Variants in MTRR observed in about 807,000 individuals in gnomAD.
MTRR encodes the protein methionine synthase reductase.
A neutral mutation model predicts 79.2 loss-of-function variants in MTRR; 63 were observed. The ratio of observed to expected loss-of-function variants is 0.80; its 90% confidence interval spans 0.65 to 0.98. The LOEUF is 0.98. Ranked by LOEUF, MTRR falls within the 50% of genes least tolerant of loss-of-function variation. MTRR has a pLI of 0.00. For synonymous variants in MTRR, 355 were observed against 313.3 expected (o/e 1.13, Z -1.41); for missense variants, 895 against 839.6 (o/e 1.07, Z -0.82).
At chr5:7,876,996 A>G (rs1734671506) in intron 4 of MTRR, among the ~76,000 whole-genome samples, 1 of 152,250 alleles carries the variant, frequency 6.6e-6, no homozygotes, top group Non-Finnish European at 1.5e-5. Flanking sequence ...TCCTCAGGGC[A>G]GCTCTAATGT....
At chr5:7,875,629 T>C (rs1734413112) in intron 4 of MTRR, among the ~76,000 whole-genome samples, 1 of 152,244 alleles carries the variant, frequency 6.6e-6, no homozygotes, top group African/African-American at 2.4e-5. Context: ...CCAGTACAGT[T>C]ATCTTTATTT....
intron 14 of MTRR, 26 bp downstream of exon 14, chr5:7,897,273 G>A (rs762049995): frequency 1.9e-6 from 3 of 1,612,136 alleles, no homozygotes; most frequent in Non-Finnish European, 1.7e-6. Flanking sequence ...GCCTAAGTCG[G>A]GTAGGAGAGG....
At chr5:7,851,106 G>T (rs1746067378), upstream of MTRR, 1 of 1,223,046 alleles carries the variant, frequency 8.2e-7, no homozygotes, top group Non-Finnish European at 1.0e-6. Flanking sequence ...GCCTCAGGTT[G>T]CTCAGCGCCA....
chr5:7,867,401 A>T, upstream of MTRR: 1 of 1,614,236 alleles, frequency 6.2e-7, no homozygotes, highest in Non-Finnish European at 8.5e-7. Flanking sequence ...TGAACTGTGC[A>T]GTGTAATCAG....
chr5:7,880,803 C>T (rs1008085622), intron 5 of MTRR, among the ~76,000 whole-genome samples: 1 of 152,178 alleles, frequency 6.6e-6, no homozygotes, highest in Admixed American at 6.5e-5. Flanking sequence ...CGCCATTTAC[C>T]GCCTGGCCCC....
chr5:7,854,723 T>C (rs1746187637), intron 1 of MTRR, among the ~76,000 whole-genome samples: 1 of 152,150 alleles, frequency 6.6e-6, no homozygotes, highest in African/African-American at 2.4e-5. Flanking sequence ...ATTATGGAGA[T>C]TTGGGTCGGG....
intron 8 of MTRR, among the ~76,000 whole-genome samples, chr5:7,888,819 A>G (rs930865795): frequency 1.3e-5 from 2 of 152,252 alleles, no homozygotes; most frequent in Admixed American, 6.5e-5. Flanking sequence ...AATTCTTACT[A>G]GCAAGTTTGA....
At chr5:7,853,876 G>GGAGGTGAGATGCTTCTTTCAT (rs1746146843) in intron 1 of MTRR, among the ~76,000 whole-genome samples, 1 of 152,128 alleles carries the variant, frequency 6.6e-6, no homozygotes. Flanking sequence ...GGCATGTACT[G>GGAGGTGAGATGCTTCTTTCAT]GAGGTGAGAT....
intron 2 of MTRR, chr5:7,872,390 C>T (rs910145697): frequency 5.9e-6 from 2 of 337,362 alleles, no homozygotes; most frequent in African/African-American, 4.3e-5. Flanking sequence ...GAGTTTATAG[C>T]TCAGCTTATA....
At chr5:7,896,197 CAG>C (rs550063881) in intron 12 of MTRR, among the ~76,000 whole-genome samples, 280 of 152,272 alleles carry the variant, frequency 1.8e-3, no homozygotes, top group African/African-American at 5.7e-3. Flanking sequence ...TTGGTAGTGA[CAG>C]AGATCCAATT....
upstream of MTRR, chr5:7,850,977 G>A: frequency 7.6e-7 from 1 of 1,308,342 alleles, no homozygotes; most frequent in Non-Finnish European, 9.7e-7. Context: ...GCCTGGGCTT[G>A]CCCCGCAGCG....
chr5:7,859,658 A>C, intron 1 of MTRR: 5 of 604,824 alleles, frequency 8.3e-6, no homozygotes, highest in Non-Finnish European at 1.4e-5. Flanking sequence ...AGCTCCTGGA[A>C]GGCAAATATC....
At chr5:7,890,193 G>A (rs958571285) in intron 9 of MTRR, 13 of 900,300 alleles carry the variant, frequency 1.4e-5, no homozygotes, top group African/African-American at 1.8e-5. Flanking sequence ...GATCCTTTTC[G>A]ATGCCCAGTA....
upstream of MTRR, chr5:7,850,954 G>T (rs377143847): frequency 7.5e-7 from 1 of 1,335,900 alleles, no homozygotes; most frequent in South Asian, 2.5e-5. Flanking sequence ...GGACTGCGCC[G>T]AGACGGGCGG....
upstream of MTRR, among the ~76,000 whole-genome samples, chr5:7,864,778 T>C (rs1746817134): frequency 6.7e-6 from 1 of 150,238 alleles, no homozygotes; most frequent in African/African-American, 2.5e-5. Context: ...CCTTCATTCA[T>C]TGCTGGGGAA....
intron 1 of MTRR, chr5:7,869,454 C>G (rs953655679): frequency 3.6e-6 from 2 of 558,846 alleles, no homozygotes; most frequent in Non-Finnish European, 6.4e-6. Context: ...CCGCGGGAGG[C>G]CCCTGGGCGG....
At chr5:7,888,813 C>T (rs1737046949) in intron 8 of MTRR, among the ~76,000 whole-genome samples, 1 of 152,258 alleles carries the variant, frequency 6.6e-6, no homozygotes, top group East Asian at 1.9e-4. Flanking sequence ...ATAAAAAATT[C>T]TTACTAGCAA....
chr5:7,887,390 A>G (rs1736666258), intron 8 of MTRR, among the ~76,000 whole-genome samples: 2 of 151,956 alleles, frequency 1.3e-5, no homozygotes, highest in African/African-American at 4.8e-5. Flanking sequence ...GCCTTGCCAC[A>G]CTTGTATTGT....
intron 12 of MTRR, 32 bp from the exon 13 acceptor site, chr5:7,896,832 C>T (rs1738600658): frequency 1.9e-6 from 3 of 1,564,356 alleles, no homozygotes; most frequent in South Asian, 2.2e-5. Flanking sequence ...TTCTTTATAT[C>T]ACACACCTAA....
Sources: allele counts gnomAD v4.1 joint callset (sites outside exome capture counted in the v4.1 genomes callset), GRCh38; gene constraint gnomAD v4.1.1; transcripts MANE v1.5; gene names NCBI Gene and HGNC (gene_info 2026-07-23, HGNC 2026-07-21).